The following NRG3 variants were observed in gnomAD, a reference collection of about 807,000 sequenced individuals.
NRG3 encodes the protein pro-neuregulin-3, membrane-bound isoform.
Under a neutral mutation model 66.9 loss-of-function variants are expected in NRG3, and 31 were observed. The observed-to-expected ratio is 0.46, with a 90% CI of 0.35 to 0.63. The LOEUF (loss-of-function observed/expected upper bound fraction) is 0.63, where lower values mean the gene tolerates loss of function less well. Ranked by LOEUF, NRG3 falls within the 20% of genes least tolerant of loss-of-function variation. The pLI is 0.00. For missense variants in NRG3, 910 were observed against 878.9 expected, an observed-to-expected ratio of 1.04 and a Z score of -0.45; for synonymous variants, 393 against 359.4, an observed-to-expected ratio of 1.09 and a Z score of -1.06.
At chr10:82,680,133 A>G (rs183006690) in intron 2 of NRG3, among the ~76,000 whole-genome samples, 28 of 152,314 alleles carry the variant, frequency 1.8e-4, no homozygotes, top group East Asian at 1.7e-3. Context: ...TTAACATCAT[A>G]TAACTGTTAA....
chr10:82,470,969 C>T (rs548044874), intron 2 of NRG3, among the ~76,000 whole-genome samples: 12 of 152,200 alleles, frequency 7.9e-5, no homozygotes, highest in South Asian at 4.1e-4. Flanking sequence ...CCTGGTTCTG[C>T]GGCTGTCTTT....
At chr10:82,346,167 T>G (rs2135444260) in intron 1 of NRG3, among the ~76,000 whole-genome samples, 2 of 146,652 alleles carry the variant, frequency 1.4e-5, no homozygotes, top group East Asian at 4.1e-4. Context: ...ATGCTTCCAG[T>G]TTTTGCCCAT....
intron 2 of NRG3, among the ~76,000 whole-genome samples, chr10:82,561,130 T>C (rs2045012548): frequency 6.6e-6 from 1 of 152,208 alleles, no homozygotes; most frequent in South Asian, 2.1e-4. Context: ...AAAATTTTAA[T>C]TATCTTTGTA....
At chr10:82,720,762 C>G (rs1486427218) in intron 2 of NRG3, among the ~76,000 whole-genome samples, 2 of 146,414 alleles carry the variant, frequency 1.4e-5, no homozygotes, top group African/African-American at 5.3e-5. Flanking sequence ...ATAGCACTCC[C>G]TGGTCAATTT....
intron 3 of NRG3, among the ~76,000 whole-genome samples, chr10:82,785,830 A>T (rs1199364412): frequency 6.6e-6 from 1 of 152,208 alleles, no homozygotes; most frequent in Non-Finnish European, 1.5e-5. Flanking sequence ...AGCATGTTTG[A>T]GAGAGAATAT....
intron 2 of NRG3, among the ~76,000 whole-genome samples, chr10:82,637,408 T>C (rs1211344505): frequency 1.3e-5 from 2 of 152,182 alleles, no homozygotes; most frequent in African/African-American, 4.8e-5. Flanking sequence ...TGGTCTCACC[T>C]TGTCACAAAA....
intron 1 of NRG3, among the ~76,000 whole-genome samples, chr10:81,880,754 T>G (rs1394093996): frequency 6.6e-6 from 1 of 152,216 alleles, no homozygotes; most frequent in Non-Finnish European, 1.5e-5. Context: ...GGAATAGTCA[T>G]AAATCTAAGT....
At chr10:82,104,314 T>A (rs1469234306) in intron 1 of NRG3, among the ~76,000 whole-genome samples, 2 of 152,172 alleles carry the variant, frequency 1.3e-5, no homozygotes, top group African/African-American at 2.4e-5. Flanking sequence ...GCTGGCCGCT[T>A]AATAGGAGAA....
intron 2 of NRG3, among the ~76,000 whole-genome samples, chr10:82,710,682 A>C (rs915444876): frequency 6.7e-6 from 1 of 150,280 alleles, no homozygotes; most frequent in Non-Finnish European, 1.5e-5. Flanking sequence ...TTATTAGCTC[A>C]TATCTTTTTC....
chr10:82,364,753 A>G lies in NRG3; in HGVS notation c.953+5885A>G, dbSNP rs542391970. 2.6e-5 allele frequency among the ~76,000 whole-genome samples: 4 copies of G among 152,346 alleles called. No individual in the cohort carries two copies. In the South Asian group the frequency reaches 8.3e-4, roughly 32 times the overall value. On this transcript the variant is annotated intron_variant, in intron 2 of 8. Coordinates refer to ENST00000372141, the MANE Select transcript of NRG3 (RefSeq NM_001010848.4). ...AAGCTGAATTTGACCTGTATTGACC[A>G]TTTTGGAAATCAGCCAAGCAATTCG...
At chr10:82,344,187 A>G (rs1414931538) in intron 1 of NRG3, among the ~76,000 whole-genome samples, 1 of 149,204 alleles carries the variant, frequency 6.7e-6, no homozygotes, top group Non-Finnish European at 1.5e-5. Flanking sequence ...AGCATTAGGT[A>G]TATCTCCCAA....
chr10:82,588,251 T>C (rs2046786025), intron 2 of NRG3, among the ~76,000 whole-genome samples: 1 of 152,164 alleles, frequency 6.6e-6, no homozygotes, highest in Non-Finnish European at 1.5e-5. Flanking sequence ...TGGGAGGTTT[T>C]TGGATCATAG....
chr10:82,377,713 G>A (rs1189685627), intron 2 of NRG3, among the ~76,000 whole-genome samples: 2 of 152,164 alleles, frequency 1.3e-5, no homozygotes, highest in Admixed American at 6.5e-5. Context: ...TAAACCTAGA[G>A]AACAGTCATG....
At chr10:82,309,226 C>T (rs1302646168) in intron 1 of NRG3, among the ~76,000 whole-genome samples, 1 of 152,170 alleles carries the variant, frequency 6.6e-6, no homozygotes, top group Non-Finnish European at 1.5e-5. Flanking sequence ...CCCATTCTCC[C>T]TCCTAATTTT....
intron 1 of NRG3, among the ~76,000 whole-genome samples, chr10:82,043,513 T>C (rs146370339): frequency 3.7e-4 from 57 of 152,180 alleles, no homozygotes; most frequent in African/African-American, 1.3e-3. Flanking sequence ...TATGTAGTTC[T>C]TTTTATCAAA....
chr10:82,616,622 G>A (rs1378113629), intron 2 of NRG3, among the ~76,000 whole-genome samples: 1 of 152,118 alleles, frequency 6.6e-6, no homozygotes, highest in Non-Finnish European at 1.5e-5. Flanking sequence ...ATAAATCATA[G>A]CGTTCTACAG....
At chr10:82,652,630 G>T (rs1485681196) in intron 2 of NRG3, among the ~76,000 whole-genome samples, 4 of 152,132 alleles carry the variant, frequency 2.6e-5, no homozygotes. Flanking sequence ...AGGTAGGGCA[G>T]GCCATGGGTG....
At chr10:82,711,650 C>T (rs761550167) in intron 2 of NRG3, among the ~76,000 whole-genome samples, 1 of 151,170 alleles carries the variant, frequency 6.6e-6, no homozygotes, top group African/African-American at 2.4e-5. Flanking sequence ...TTTCCTTTCC[C>T]CTCTGACTTC....
At chr10:82,911,835 T>C (rs916415712) in intron 4 of NRG3, among the ~76,000 whole-genome samples, 60 of 151,906 alleles carry the variant, frequency 3.9e-4, no homozygotes, top group Admixed American at 2.9e-3. Context: ...CTTAGATTAA[T>C]ATTTAGATCT....
Sources: gnomAD v4.1 joint callset for allele counts (sites outside exome capture counted in the v4.1 genomes callset) on GRCh38, gnomAD v4.1.1 for gene constraint, MANE v1.5 for transcripts, NCBI Gene and HGNC (gene_info 2026-07-23, HGNC 2026-07-21) for gene names.